The following SLC25A12 variants were observed in gnomAD, a reference collection of about 807,000 sequenced individuals.
SLC25A12 encodes electrogenic aspartate/glutamate antiporter SLC25A12, mitochondrial.
Under a neutral mutation model 83.3 loss-of-function variants are expected in SLC25A12, and 32 were observed. The ratio of observed to expected loss-of-function variants is 0.38; its 90% confidence interval spans 0.29 to 0.52. The LOEUF (loss-of-function observed/expected upper bound fraction) is 0.52, where lower values mean the gene tolerates loss of function less well. Among genes scored for constraint, SLC25A12 ranks in the 20% least tolerant of loss-of-function variants. The pLI is 0.84. For synonymous variants in SLC25A12, 267 were observed against 291.1 expected, an observed-to-expected ratio of 0.92 and a Z score of 0.84; for missense variants, 611 against 835.6, an observed-to-expected ratio of 0.73 and a Z score of 3.31.
chr2:171,785,713 A>G (rs1690475907), intron 17 of SLC25A12, among the ~76,000 whole-genome samples: 1 of 152,258 alleles, frequency 6.6e-6, no homozygotes, highest in African/African-American at 2.4e-5. Context: ...GCTTGCATAC[A>G]TATATAAACA....
chr2:171,836,378 G>T (rs1008800038), intron 6 of SLC25A12, among the ~76,000 whole-genome samples: 2 of 152,138 alleles, frequency 1.3e-5, no homozygotes, highest in Admixed American at 6.5e-5. Flanking sequence ...ACAAGAAAAC[G>T]GGTAAGTGAG....
At chr2:171,845,720 G>A (rs1003130219) in intron 4 of SLC25A12, 12 of 399,048 alleles carry the variant, frequency 3.0e-5, no homozygotes, top group Non-Finnish European at 5.6e-5. Flanking sequence ...TGAACTGGAC[G>A]TTCTACCAGT....
chr2:171,795,099 C>T (rs1683573011), intron 13 of SLC25A12, among the ~76,000 whole-genome samples: 1 of 152,192 alleles, frequency 6.6e-6, no homozygotes, highest in Non-Finnish European at 1.5e-5. Flanking sequence ...AAATTGCCAG[C>T]ACTGATACTA....
At chr2:171,874,557 A>G (rs904074603) in intron 2 of SLC25A12, among the ~76,000 whole-genome samples, 1 of 152,210 alleles carries the variant, frequency 6.6e-6, no homozygotes, top group Non-Finnish European at 1.5e-5. Context: ...AAAATTTGGC[A>G]ACAATTGTTC....
At chr2:171,863,914 A>G (rs1685224584) in intron 3 of SLC25A12, among the ~76,000 whole-genome samples, 1 of 152,218 alleles carries the variant, frequency 6.6e-6, no homozygotes, top group South Asian at 2.1e-4. Context: ...CAAGTTTCCC[A>G]ATACCTGCCA....
At chr2:171,812,548 T>C (rs987354720) in intron 11 of SLC25A12, among the ~76,000 whole-genome samples, 1 of 151,716 alleles carries the variant, frequency 6.6e-6, no homozygotes, top group Non-Finnish European at 1.5e-5. Context: ...AAGGAAACCC[T>C]ATATTCTAAT....
At chr2:171,828,563 A>AC (rs1328583380) in intron 8 of SLC25A12, among the ~76,000 whole-genome samples, 2 of 152,160 alleles carry the variant, frequency 1.3e-5, no homozygotes, top group African/African-American at 4.8e-5. Context: ...GCCTGCCCTT[A>AC]CACAGGGTCC....
intron 9 of SLC25A12, 100 bp from the exon 10 acceptor site, chr2:171,815,302 A>G (rs1684029210): frequency 1.2e-6 from 1 of 814,076 alleles, no homozygotes; most frequent in South Asian, 1.4e-5. Context: ...AACAAAACCT[A>G]AAAGTGATAT....
intron 4 of SLC25A12, among the ~76,000 whole-genome samples, chr2:171,853,486 C>G (rs533701674): frequency 1.9e-4 from 29 of 152,192 alleles, no homozygotes; most frequent in Non-Finnish European, 2.5e-4. Context: ...GACTGGCCAG[C>G]CTGACCAACA....
intron 3 of SLC25A12, among the ~76,000 whole-genome samples, chr2:171,866,592 C>T (rs1252401718): frequency 4.0e-5 from 3 of 74,450 alleles, no homozygotes; most frequent in African/African-American, 1.4e-4. Context: ...GGGGGGCTGA[C>T]CCCCCCACCT....
chr2:171,845,251 C>A (rs139607284), intron 4 of SLC25A12, among the ~76,000 whole-genome samples: 1 of 152,130 alleles, frequency 6.6e-6, no homozygotes, highest in Admixed American at 6.5e-5. Context: ...AACCCTCTGG[C>A]AGCTTGTCTT....
intron 3 of SLC25A12, among the ~76,000 whole-genome samples, chr2:171,859,327 C>G (rs1685104348): frequency 6.6e-6 from 1 of 152,218 alleles, no homozygotes; most frequent in Admixed American, 6.5e-5. Context: ...CAAAAATCAG[C>G]CTGTTATGGT....
At chr2:171,873,932 T>A (rs1300489597) in intron 2 of SLC25A12, among the ~76,000 whole-genome samples, 2 of 152,022 alleles carry the variant, frequency 1.3e-5, no homozygotes, top group Admixed American at 1.3e-4. Context: ...ATCATAAAAA[T>A]GCTCGAATCC....
At position 171,893,164 on chromosome 2, in the gene SLC25A12, T is replaced by C. The variant is rs557728714; in HGVS notation, c.66+41A>G. On this transcript the variant is annotated intron_variant, in intron 2 of 17. Transcript: ENST00000422440. ...ATAGGACTAAGGACATGTACGTTTT[T>C]TGTTTTTGCAATGAAAGGCACACTA... 9 of 1,554,966 alleles carry C rather than the reference T, an allele frequency of 5.8e-6. No individual in the cohort carries two copies. The South Asian group carries it at 1.0e-4, about 17-fold the overall frequency.
intron 2 of SLC25A12, among the ~76,000 whole-genome samples, chr2:171,875,246 G>A (rs564389252): frequency 1.1e-4 from 16 of 152,208 alleles, no homozygotes; most frequent in Non-Finnish European, 1.9e-4. Context: ...GTATTTGGAC[G>A]CGAGAAGTTT....
At chr2:171,790,255 A>C (rs7608403) in intron 15 of SLC25A12, among the ~76,000 whole-genome samples, 47,284 of 152,124 alleles carry the variant, frequency 0.31, 7,959 homozygotes, top group African/African-American at 0.44. Flanking sequence ...AAGGAAGAGC[A>C]ACACAGTGAA....
intron 9 of SLC25A12, among the ~76,000 whole-genome samples, chr2:171,820,495 G>A (rs377042050): frequency 2.0e-5 from 3 of 150,292 alleles, no homozygotes; most frequent in South Asian, 4.3e-4. Context: ...TTGGGAGGCC[G>A]AGGCGGGCGG....
chr2:171,793,505 T>C (rs575463785), intron 14 of SLC25A12, 122 bp downstream of exon 14: 1 of 1,006,742 alleles, frequency 9.9e-7, no homozygotes, highest in East Asian at 2.4e-5. Flanking sequence ...TTCTTTTTGT[T>C]TGATTTTCTG....
rs1683921535 is a variant in SLC25A12 at position 171,810,282 on chromosome 2, T to G, written c.1172-6A>C. The stretch of plus-strand genomic sequence containing the variant: ...TATAAGTTGTGGTATCAGACCTAGG[T>G]AAAGGGACAGAATCATCAGCAATAT... On this transcript the variant is annotated splice_polypyrimidine_tract_variant and splice_region_variant and intron_variant, in intron 11 of 17. Transcript: ENST00000422440. The G allele has an allele frequency of 1.2e-6, 2 of 1,612,170 alleles. No individual in the cohort carries two copies. The highest frequency in any genetic ancestry group is 8.5e-7 in the Non-Finnish European group (1 of 1,178,338).
Sources: allele counts gnomAD v4.1 joint callset (sites outside exome capture counted in the v4.1 genomes callset), GRCh38; gene constraint gnomAD v4.1.1; transcripts MANE v1.5; gene names NCBI Gene and HGNC (gene_info 2026-07-23, HGNC 2026-07-21).